Variants in SLC35H1 observed in about 807,000 individuals in gnomAD.
SLC35H1 encodes ovarian cancer-overexpressed gene 1 protein.
chr20:46,359,585 C>T, the SLC35H1 span, among the ~76,000 whole-genome samples: 3 of 152,190 alleles, frequency 2.0e-5, no homozygotes, highest in Non-Finnish European at 4.4e-5. Flanking sequence ...GTAACCACTA[C>T]TCCCTGGAAG....
chr20:46,358,454 AG>A, the SLC35H1 span: 1 of 1,614,200 alleles, frequency 6.2e-7, no homozygotes, highest in South Asian at 1.1e-5. Context: ...CACCAGCCCC[AG>A]GGTCAACACC....
the SLC35H1 span, among the ~76,000 whole-genome samples, chr20:46,356,272 T>C: frequency 6.6e-6 from 1 of 152,188 alleles, no homozygotes; most frequent in African/African-American, 2.4e-5. Flanking sequence ...CACCCACCAG[T>C]GGCCACCTGT....
At chr20:46,362,075 T>C in the SLC35H1 span, among the ~76,000 whole-genome samples, 151,422 of 152,270 alleles carry the variant, frequency 0.99, 75,293 homozygotes, top group Middle Eastern at 1. Flanking sequence ...AAATTTAACT[T>C]ATTTTCTTAT....
At chr20:46,351,202 G>C in the SLC35H1 span, among the ~76,000 whole-genome samples, 1 of 152,364 alleles carries the variant, frequency 6.6e-6, no homozygotes, top group Non-Finnish European at 1.5e-5. Context: ...GATAAAGGAC[G>C]GCTGCCCCAG....
chr20:46,356,424 G>T, the SLC35H1 span: 1 of 736,078 alleles, frequency 1.4e-6, no homozygotes, highest in Non-Finnish European at 2.3e-6. Context: ...TTCCCGGAGA[G>T]CTGCTGGGTG....
the SLC35H1 span, chr20:46,355,010 C>T: frequency 4.7e-3 from 7,636 of 1,613,578 alleles, 24 homozygotes; most frequent in Non-Finnish European, 5.7e-3. The surrounding 1 kb of genome is among the most constrained non-coding windows in gnomAD (Gnocchi z 4.8). Context: ...TCCGGCCCTG[C>T]CCTGCCTCCG....
the SLC35H1 span, among the ~76,000 whole-genome samples, chr20:46,360,752 G>A: frequency 1.3e-5 from 2 of 152,158 alleles, no homozygotes; most frequent in Non-Finnish European, 2.9e-5. Flanking sequence ...GTTTCTCCAT[G>A]TTGGTCAGGC....
the SLC35H1 span, chr20:46,347,115 G>T: frequency 6.6e-6 from 1 of 152,102 alleles, no homozygotes; most frequent in Non-Finnish European, 1.5e-5. Context: ...CTTCCTTCAG[G>T]TGTATGTATT....
At chr20:46,347,840 T>G in the SLC35H1 span, 1 of 152,248 alleles carries the variant, frequency 6.6e-6, no homozygotes, top group Non-Finnish European at 1.5e-5. Flanking sequence ...ACTGTGGACG[T>G]CCTCACATAT....
chr20:46,363,994 C>T, the SLC35H1 span: 19 of 152,476 alleles, frequency 1.2e-4, no homozygotes, highest in Admixed American at 7.2e-4. Context: ...CCACCCCTCC[C>T]AATCCTCGTG....
the SLC35H1 span, chr20:46,357,660 C>T: frequency 2.3e-4 from 373 of 1,614,138 alleles, 1 homozygote; most frequent in East Asian, 3.9e-3. Context: ...CGGCCCAGCT[C>T]AGCACCACAC....
the SLC35H1 span, chr20:46,352,160 A>G: frequency 6.2e-7 from 1 of 1,614,234 alleles, no homozygotes. Context: ...GAGGCTCCCA[A>G]GTACCCGCAG....
chr20:46,355,241 G>A, the SLC35H1 span: 57 of 1,612,374 alleles, frequency 3.5e-5, no homozygotes, highest in Admixed American at 6.7e-5. This position sits in a 1 kb window ranked among gnomAD's most constrained non-coding sequence, Gnocchi z 4.8. Context: ...AGTGCCGCGC[G>A]CTGGTAGGAT....
chr20:46,350,449 CGCT>C, the SLC35H1 span: 5 of 1,613,508 alleles, frequency 3.1e-6, no homozygotes, highest in Non-Finnish European at 4.2e-6. Flanking sequence ...ACCTTCCTCC[CGCT>C]GGCTGCTCCG....
the SLC35H1 span, chr20:46,352,166 C>T: frequency 1.5e-5 from 24 of 1,614,096 alleles, no homozygotes; most frequent in African/African-American, 2.7e-5. Flanking sequence ...CCCAAGTACC[C>T]GCAGGAGCAG....
the SLC35H1 span, chr20:46,349,444 A>G: frequency 1.3e-5 from 2 of 152,268 alleles, no homozygotes; most frequent in Non-Finnish European, 2.9e-5. Flanking sequence ...ACAGACGTAC[A>G]CAGACTTGGA....
At chr20:46,354,974 CG>C in the SLC35H1 span, 1 of 1,613,846 alleles carries the variant, frequency 6.2e-7, no homozygotes, top group Non-Finnish European at 8.5e-7. Flanking sequence ...GCCTGCAGGG[CG>C]GGGGACAGGC....
the SLC35H1 span, among the ~76,000 whole-genome samples, chr20:46,362,747 GCCCC>G: frequency 6.6e-6 from 1 of 152,094 alleles, no homozygotes; most frequent in Non-Finnish European, 1.5e-5. Context: ...CCTCCCTGCT[GCCCC>G]TTCGAAGGCT....
the SLC35H1 span, chr20:46,358,677 G>A: frequency 5.2e-6 from 8 of 1,551,414 alleles, no homozygotes; most frequent in African/African-American, 8.2e-5. Flanking sequence ...CAGAGCCCCA[G>A]GCAGAGTCCT....
Sources: gnomAD v4.1 joint callset for allele counts (sites outside exome capture counted in the v4.1 genomes callset) on GRCh38, gnomAD v4.1.1 for gene constraint, Gnocchi (gnomAD v3.1) non-coding constraint, MANE v1.5 for transcripts, NCBI Gene and HGNC (gene_info 2026-07-23, HGNC 2026-07-21) for gene names.